The following ITPR2 variants were observed in gnomAD, a reference collection of about 807,000 sequenced individuals.
The protein encoded by ITPR2 is inositol 1,4,5-trisphosphate receptor type 2.
In ITPR2, 207 loss-of-function variants were observed where a neutral mutation model predicts 317.1. That is an observed-to-expected ratio of 0.65 (90% CI 0.58 to 0.73). The LOEUF is 0.73. Ranked by LOEUF, ITPR2 falls within the 30% of genes least tolerant of loss-of-function variation. The pLI is 0.00. For synonymous variants in ITPR2, 1,156 were observed against 1,149.1 expected, an observed-to-expected ratio of 1.01 and a Z score of -0.12; for missense variants, 2,613 against 3,284.0, an observed-to-expected ratio of 0.80 and a Z score of 4.99.
chr12:26,733,324 A>G (rs950358176), intron 2 of ITPR2, among the ~76,000 whole-genome samples: 36 of 107,968 alleles, frequency 3.3e-4, no homozygotes, highest in Admixed American at 1.5e-3. Context: ...AAAAAAAAAA[A>G]AAAAAGAAAA....
intron 26 of ITPR2, among the ~76,000 whole-genome samples, chr12:26,612,971 G>A (rs1025238079): frequency 2.0e-5 from 3 of 152,282 alleles, no homozygotes; most frequent in Admixed American, 6.5e-5. Context: ...TCAGGCCCAC[G>A]CTGGCCTCTC....
chr12:26,618,013 T>G (rs1946409827), intron 26 of ITPR2, among the ~76,000 whole-genome samples: 1 of 152,142 alleles, frequency 6.6e-6, no homozygotes, highest in African/African-American at 2.4e-5. Context: ...TAATATAATC[T>G]TAATAGATGT....
At chr12:26,743,931 T>C (rs890523646) in intron 2 of ITPR2, among the ~76,000 whole-genome samples, 4 of 152,250 alleles carry the variant, frequency 2.6e-5, no homozygotes, top group South Asian at 2.1e-4. Context: ...TCCAAAACAA[T>C]GACACCTCTA....
At position 26,622,370 on chromosome 12, in the gene ITPR2, C is replaced by A. The variant is rs1390983413; in HGVS notation, c.3158G>T (p.Gly1053Val). The A allele has an allele frequency of 1.2e-6, 2 of 1,607,740 alleles. No individual in the cohort carries two copies. The highest frequency in any genetic ancestry group is 1.7e-6 in the Non-Finnish European group (2 of 1,178,190). ...EKNPVQLDDE[G>V]GRTFLRVLIH... Reference sequence around the variant, plus strand: ...GAGGACCCGTAAAAACGTCCTGCCTCCTTCATCGTCAAGTTGAACTGGATT... The same window carrying A: ...GAGGACCCGTAAAAACGTCCTGCCTACTTCATCGTCAAGTTGAACTGGATT... The change falls in exon 25 of 57, where the codon GGA becomes GTA. Residue 1053 changes from glycine (G) to valine (V), a missense_variant. Around this residue, in one of 9 missense-constraint regions of ITPR2, gnomAD observed 817 missense variants for 897.6 expected, o/e 0.91. Coordinates refer to ENST00000381340, the MANE Select transcript of ITPR2 (RefSeq NM_002223.4).
intron 5 of ITPR2, 50 bp from the exon 6 acceptor site, chr12:26,716,292 G>T: frequency 8.1e-7 from 1 of 1,229,478 alleles, no homozygotes; most frequent in Non-Finnish European, 1.2e-6. Context: ...GATCTTTGGT[G>T]CTATATTCGA....
intron 55 of ITPR2, among the ~76,000 whole-genome samples, chr12:26,386,338 C>T (rs1939662752): frequency 6.6e-6 from 1 of 152,078 alleles, no homozygotes; most frequent in East Asian, 1.9e-4. Context: ...GAGTAGAATG[C>T]AAGTCATTAA....
chr12:26,750,837 T>C (rs1949400008), intron 2 of ITPR2, among the ~76,000 whole-genome samples: 1 of 152,224 alleles, frequency 6.6e-6, no homozygotes, highest in South Asian at 2.1e-4. Context: ...AAAAAATAGC[T>C]AATGTTTCAT....
chr12:26,597,130 A>G lies in ITPR2; in HGVS notation c.4007T>C (p.Ile1336Thr). ...TATCAGCACGTCTTCACCCCCATTT[A>G]TCAACTGAAATGATAATAAGAGAGT... ...KCQDMVMTEL[I>T]NGGEDVLIFY... Residue 1336 changes from isoleucine (I) to threonine (T), a missense_variant, in exon 31 of 57, where the codon ATA becomes ACA. Transcript: ENST00000381340. 6.2e-7 allele frequency: 1 copy of G among 1,613,656 alleles called. No homozygotes were observed. The highest frequency in any genetic ancestry group is 8.5e-7 in the Non-Finnish European group (1 of 1,179,912).
Position 26,550,307 on chromosome 12 carries a change from GCA to G in ITPR2, c.5011_5012del (p.Cys1671HisfsTer2). The G allele has an allele frequency of 6.5e-7, 1 of 1,546,632 alleles. No homozygotes were observed. Among genetic ancestry groups the G allele is most frequent in the Non-Finnish European group, 8.9e-7 (1 of 1,125,772 alleles). On this transcript the variant is annotated frameshift_variant, in exon 37 of 57. Transcript: ENST00000381340. LOFTEE classifies it high-confidence loss of function. ...CTCGTAATGTCTGAAGAATTTTAATGCACAGTTTTTCTTCTTTCTCCATTAGT... is the reference window on the plus strand; with the variant it reads ...CTCGTAATGTCTGAAGAATTTTAATGCAGTTTTTCTTCTTTCTCCATTAGT... ...KKLMEKEEKL[C>X]IKILQTLREM...
intron 45 of ITPR2, among the ~76,000 whole-genome samples, chr12:26,465,212 T>C (rs1942140267): frequency 6.6e-6 from 1 of 151,972 alleles, no homozygotes; most frequent in African/African-American, 2.4e-5. Context: ...GATCAGGAGA[T>C]TGCGCTGGGC....
intron 55 of ITPR2, among the ~76,000 whole-genome samples, chr12:26,359,769 G>C (rs1938763056): frequency 6.6e-6 from 1 of 152,020 alleles, no homozygotes; most frequent in South Asian, 2.1e-4. Flanking sequence ...GACATCCCCA[G>C]AGTTAACACA....
chr12:26,779,359 A>G (rs965249112), intron 2 of ITPR2, among the ~76,000 whole-genome samples: 5 of 152,196 alleles, frequency 3.3e-5, no homozygotes, highest in African/African-American at 1.2e-4. Flanking sequence ...TGAACTCCCT[A>G]TCATGAACTG....
rs2230375 is a variant in ITPR2, at chr12:26,580,129, T to C, written c.4407A>G (p.Lys1469=). 517,403 of 1,608,204 alleles carry C rather than the reference T, an allele frequency of 0.32. 87,896 individuals are homozygous for C. The highest frequency in any genetic ancestry group is 0.35 in the Non-Finnish European group (410,050 of 1,175,316). ...ARVCNTTTDR[K]HADIFLEKCV... ...ACTTTTCCAAAAAGATGTCTGCATG[T>C]TTCCTGTCTGTAGTTGTGTTGCAAA... Residue 1469 remains lysine, a synonymous_variant, in exon 33 of 57, where the codon AAA becomes AAG. Coordinates refer to ENST00000381340, the MANE Select transcript of ITPR2 (RefSeq NM_002223.4).
intron 2 of ITPR2, among the ~76,000 whole-genome samples, chr12:26,779,000 C>T (rs1387757397): frequency 6.6e-6 from 1 of 152,142 alleles, no homozygotes; most frequent in Admixed American, 6.5e-5. Flanking sequence ...TGTGTTACTC[C>T]AACTCATTTA....
At chr12:26,751,093 T>G (rs1321460355) in intron 2 of ITPR2, among the ~76,000 whole-genome samples, 1 of 152,206 alleles carries the variant, frequency 6.6e-6, no homozygotes, top group Non-Finnish European at 1.5e-5. Context: ...TACTAGGATG[T>G]GGAGGAAAAT....
intron 2 of ITPR2, among the ~76,000 whole-genome samples, chr12:26,748,250 G>A (rs1221600237): frequency 6.6e-6 from 1 of 151,932 alleles, no homozygotes; most frequent in Non-Finnish European, 1.5e-5. Flanking sequence ...GTAGAGACAG[G>A]GTTTCATCGT....
intron 1 of ITPR2, among the ~76,000 whole-genome samples, chr12:26,798,697 A>T (rs1950500549): frequency 6.6e-6 from 1 of 152,244 alleles, no homozygotes; most frequent in Non-Finnish European, 1.5e-5. Flanking sequence ...AATCCAGAAT[A>T]ACTTAAACAG....
At chr12:26,381,524 T>C (rs547346349) in intron 55 of ITPR2, among the ~76,000 whole-genome samples, 17 of 152,360 alleles carry the variant, frequency 1.1e-4, no homozygotes, top group African/African-American at 3.8e-4. Context: ...AGATATTACC[T>C]GCCCTGGTAT....
chr12:26,463,604 G>A (rs1470104342), intron 45 of ITPR2, among the ~76,000 whole-genome samples: 1 of 152,016 alleles, frequency 6.6e-6, no homozygotes, highest in African/African-American at 2.4e-5. Context: ...GGCAGAGATT[G>A]CACTGAGCTG....
Sources: allele counts gnomAD v4.1 joint callset (sites outside exome capture counted in the v4.1 genomes callset), GRCh38; gene constraint gnomAD v4.1.1; regional missense constraint gnomAD v4.1.1; transcripts MANE v1.5; gene names NCBI Gene and HGNC (gene_info 2026-07-23, HGNC 2026-07-21).